Variants in PRDM15 observed in about 807,000 individuals in gnomAD.
PRDM15 encodes the protein PR/SET domain 15.
Under a neutral mutation model 128.6 loss-of-function variants are expected in PRDM15, and 64 were observed. The observed-to-expected ratio is 0.50, with a 90% CI of 0.41 to 0.61. The LOEUF is 0.61. Ranked by LOEUF, PRDM15 falls within the 20% of genes least tolerant of loss-of-function variation. PRDM15 has a pLI of 0.00. For missense variants in PRDM15, 1,242 were observed against 1,569.1 expected (o/e 0.79, Z 3.52); for synonymous variants, 615 against 621.8 (o/e 0.99, Z 0.16).
chr21:41,818,677 T>C (rs941077636), intron 18 of PRDM15, among the ~76,000 whole-genome samples: 3 of 152,126 alleles, frequency 2.0e-5, no homozygotes, highest in African/African-American at 7.2e-5. Flanking sequence ...TTCATGCAGC[T>C]CCTGTGTTTC....
chr21:41,828,366 T>G lies in PRDM15; in HGVS notation c.1367-33A>C. On this transcript the variant is annotated intron_variant, in intron 11 of 23. Coordinates refer to ENST00000398548, the MANE Select transcript of PRDM15 (RefSeq NM_001040424.3). The surrounding 1 kb of genome is among the most constrained non-coding windows in gnomAD (Gnocchi z 5.7). ...GAGAGCAAACAAACACACAACGATT[T>G]TGAGGTAAATAACATCTCACGCAGG... 1.9e-6 allele frequency: 3 copies of G among 1,611,096 alleles called. No homozygotes were observed. Among genetic ancestry groups the G allele is most frequent in the Non-Finnish European group, 2.5e-6 (3 of 1,177,802 alleles).
At position 41,819,687 on chromosome 21, in the gene PRDM15, C is replaced by T. The variant is rs753342130; in HGVS notation, c.2155G>A (p.Ala719Thr). Residue 719 changes from alanine to threonine, a missense_variant, in exon 18 of 24, where the codon GCC (alanine) becomes ACC (threonine). By Grantham distance (58) the Ala-to-Thr change is moderately conservative (BLOSUM62 0). Transcript: ENST00000398548. ...AAGGACTTCCCACACTGCTCGCAGG[C>T]GTGGCTCTTCACACCTGAGAACACA... Reference protein sequence around the residue: ...KLIHTGVKSHACEQCGKSFAR... With the variant: ...KLIHTGVKSHTCEQCGKSFAR... The T allele has an allele frequency of 8.7e-6, 14 of 1,603,148 alleles. No individual in the cohort carries two copies. The Admixed American group carries it at 1.5e-4, about 17-fold the overall frequency.
At position 41,801,817 on chromosome 21, in the gene PRDM15, G is replaced by A. The variant is rs542414974; in HGVS notation, c.2944-95C>T. ...ATGCGCTCTGTGTTACCACACCAAA[G>A]AAGCACGACATTCTTTGGTGAAAGA... On this transcript the variant is annotated intron_variant, in intron 23 of 23. Transcript: ENST00000398548. 256 of 1,350,422 alleles carry A rather than the reference G, an allele frequency of 1.9e-4. 1 individual carries two copies. The African/African-American group carries it at 3.3e-3, about 17-fold the overall frequency. The allele number at this position is 1,350,422 out of a possible 1,614,324, so 83.7% of individuals were successfully genotyped here. A position where few individuals can be genotyped will look rare whatever the true frequency, so the allele number is the denominator to read the frequency against.
At position 41,859,606 on chromosome 21, in the gene PRDM15, C is replaced by T; in HGVS notation, c.117G>A (p.Val39=). 6.2e-7 allele frequency: 1 copy of T among 1,614,052 alleles called. No individual in the cohort carries two copies. The highest frequency in any genetic ancestry group is 8.5e-7 in the Non-Finnish European group (1 of 1,179,958). ...CGGTCACTCACCTTGCCCTGCTTAA[C>T]ACAAAGGAGTCTTTGACCATGACCA... is the stretch of plus-strand genomic sequence containing the variant. ...GPVVMVKDSF[V]LSRARSSLPP... is the part of the protein sequence containing the mutation. The change falls in exon 3 of 24, where the codon GTG becomes GTA. Residue 39 remains valine, a synonymous_variant. Transcript: ENST00000398548. This position sits in a 1 kb window ranked among gnomAD's most constrained non-coding sequence, Gnocchi z 5.3.
intron 6 of PRDM15, among the ~76,000 whole-genome samples, chr21:41,843,965 A>T (rs934682685): frequency 1.6e-4 from 24 of 151,560 alleles, no homozygotes; most frequent in African/African-American, 5.8e-4. Flanking sequence ...AAAAAAAAAA[A>T]AAAAAAGAAA....
At chr21:41,824,057 G>T (rs1159738172) in intron 13 of PRDM15, among the ~76,000 whole-genome samples, 1 of 152,232 alleles carries the variant, frequency 6.6e-6, no homozygotes, top group Non-Finnish European at 1.5e-5. Flanking sequence ...TGAGACCACT[G>T]CTAGGGCCCT....
In PRDM15 at chr21:41,862,286, C is replaced by T. The variant is rs1255389422; in HGVS notation, c.-9-1914G>A. ...TCAGATCACCGCAGAACACAGAGTC[C>T]CAACAAAGGTATTGGAATCGGAGTG... is the stretch of plus-strand genomic sequence containing the variant. On this transcript the variant is annotated intron_variant, in intron 1 of 23. Coordinates refer to ENST00000398548, the MANE Select transcript of PRDM15 (RefSeq NM_001040424.3). The surrounding 1 kb of genome is among the most constrained non-coding windows in gnomAD (Gnocchi z 4.1). Among the ~76,000 whole-genome samples the T allele has an allele frequency of 6.6e-6, 1 of 152,200 alleles. No individual in the cohort carries two copies. Among genetic ancestry groups the T allele is most frequent in the Non-Finnish European group, 1.5e-5 (1 of 68,034 alleles).
chr21:41,816,268 C>T (rs2062048964), intron 18 of PRDM15, among the ~76,000 whole-genome samples: 1 of 152,200 alleles, frequency 6.6e-6, no homozygotes, highest in African/African-American at 2.4e-5. Context: ...ATTTAAGAAG[C>T]CAATCTTAAG....
At position 41,859,537 on chromosome 21, in the gene PRDM15, G is replaced by A. The variant is rs1018442255; in HGVS notation, c.131+55C>T. 1.4e-6 allele frequency: 2 copies of A among 1,445,424 alleles called. No homozygotes were observed. The highest frequency in any genetic ancestry group is 2.8e-5 in the African/African-American group (2 of 70,916). 89.5% of individuals were successfully genotyped at this position (1,445,424 alleles called of 1,614,324 possible). A position where few individuals can be genotyped will look rare whatever the true frequency, so the allele number is the denominator to read the frequency against. On this transcript the variant is annotated intron_variant, in intron 3 of 23. Coordinates refer to ENST00000398548, the MANE Select transcript of PRDM15 (RefSeq NM_001040424.3). The surrounding 1 kb of genome is among the most constrained non-coding windows in gnomAD (Gnocchi z 5.3). The stretch of plus-strand genomic sequence containing the variant: ...CCGTCTGCAGACCCAAAGGCCACTA[G>A]GCTCCTGCCGCAGCTGGCATATGGA...
chr21:41,866,161 T>A (rs1040897361), intron 1 of PRDM15, among the ~76,000 whole-genome samples: 1 of 152,188 alleles, frequency 6.6e-6, no homozygotes, highest in Non-Finnish European at 1.5e-5. Flanking sequence ...CCCTGATAAA[T>A]CTTTTGACCT....
At chr21:41,855,973 CCTTT>C (rs1568994481) in intron 4 of PRDM15, among the ~76,000 whole-genome samples, 1 of 5,586 alleles carries the variant, frequency 1.8e-4, no homozygotes, top group Non-Finnish European at 3.5e-4. Context: ...TCCCTTCCTT[CCTTT>C]CCTTCCCTCC....
Position 41,804,664 on chromosome 21 carries a change from G to A in PRDM15, c.2653-50C>T, listed in dbSNP as rs370538051. 1.0e-4 allele frequency: 145 copies of A among 1,437,884 alleles called. No homozygotes were observed. In the Middle Eastern group the frequency reaches 3.1e-3, roughly 31 times the overall value. 89.1% of individuals were successfully genotyped at this position (1,437,884 alleles called of 1,614,324 possible). On this transcript the variant is annotated intron_variant, in intron 21 of 23. Coordinates refer to ENST00000398548, the MANE Select transcript of PRDM15 (RefSeq NM_001040424.3). ...TGGGGGTCAGGGTGCTGCTGATGCA[G>A]GTGGGAACCCAGAAGCCACACACGC... is the stretch of plus-strand genomic sequence containing the variant.
In PRDM15 at chr21:41,864,933, C is replaced by T. The variant is rs571679252; in HGVS notation, c.-9-4561G>A. ...CGCTTCCCGGAACGCCAAGCTGGGT[C>T]CTGCCTCTGGGCCTTTCCACATGCT... On this transcript the variant is annotated intron_variant, in intron 1 of 23. Coordinates refer to ENST00000398548, the MANE Select transcript of PRDM15 (RefSeq NM_001040424.3). Among the ~76,000 whole-genome samples, 20 of 148,594 alleles carry T rather than the reference C, an allele frequency of 1.3e-4. No individual in the cohort carries two copies. The South Asian group carries it at 4.4e-3, about 33-fold the overall frequency.
chr21:41,871,779 C>G, intron 1 of PRDM15: 1 of 772,552 alleles, frequency 1.3e-6, no homozygotes, highest in Non-Finnish European at 2.0e-6. Flanking sequence ...TCCTCCAGAC[C>G]TGCTGCGTTT....
chr21:41,866,050 T>C (rs2063997586), intron 1 of PRDM15, among the ~76,000 whole-genome samples: 1 of 152,200 alleles, frequency 6.6e-6, no homozygotes, highest in South Asian at 2.1e-4. Context: ...CTCTACTAGA[T>C]CTTTAACCAT....
chr21:41,834,431 C>A, intron 11 of PRDM15: 1 of 1,391,956 alleles, frequency 7.2e-7, no homozygotes, highest in Non-Finnish European at 1.0e-6. Flanking sequence ...GGCACCTTAA[C>A]AAGAACAACA....
In PRDM15 at chr21:41,798,358, G is replaced by A. The variant is rs941770795; in HGVS notation, c.*2882C>T. ...GAAAGCCCAAGACGCCGCCTCTAGT[G>A]GGGAAGCCATGAGCCTTCCGCCTTT... is the stretch of plus-strand genomic sequence containing the variant. On this transcript the variant is annotated 3_prime_UTR_variant, in exon 24 of 24. Transcript: ENST00000398548. 1 of 152,200 alleles carries A rather than the reference G, an allele frequency of 6.6e-6. No homozygotes were observed. Among genetic ancestry groups the A allele is most frequent in the African/African-American group, 2.4e-5 (1 of 41,440 alleles). 9.4% of individuals were successfully genotyped at this position (152,200 alleles called of 1,614,324 possible). A position where few individuals can be genotyped will look rare whatever the true frequency, so the allele number is the denominator to read the frequency against.
intron 4 of PRDM15, among the ~76,000 whole-genome samples, chr21:41,856,858 G>A (rs534077623): frequency 5.3e-5 from 8 of 152,196 alleles, no homozygotes; most frequent in Admixed American, 1.3e-4. Context: ...CCTGCAAGAC[G>A]CTGCCTCGTA....
intron 1 of PRDM15, chr21:41,875,056 T>C (rs947652215): frequency 2.0e-5 from 3 of 152,408 alleles, no homozygotes; most frequent in Non-Finnish European, 4.4e-5. Flanking sequence ...AGGATTCATG[T>C]AGGACGAGTG....
Sources: allele counts gnomAD v4.1 joint callset (sites outside exome capture counted in the v4.1 genomes callset), GRCh38; gene constraint gnomAD v4.1.1; non-coding constraint Gnocchi (gnomAD v3.1); transcripts MANE v1.5; gene names NCBI Gene and HGNC (gene_info 2026-07-23, HGNC 2026-07-21).